The following SLIT2 variants were observed in gnomAD, a reference collection of about 807,000 sequenced individuals.
SLIT2 encodes slit homolog 2 protein.
SLIT2 carries 41 observed loss-of-function variants against 185.7 expected under a neutral mutation model. The observed-to-expected ratio is 0.22, with a 90% CI of 0.17 to 0.29. The LOEUF is 0.29. Ranked by LOEUF, SLIT2 falls within the 10% of genes least tolerant of loss-of-function variation. The pLI is 1.00. For missense variants in SLIT2, 1,571 were observed against 1,909.0 expected (o/e 0.82, Z 3.30); for synonymous variants, 693 against 680.2 (o/e 1.02, Z -0.29).
intron 4 of SLIT2, among the ~76,000 whole-genome samples, chr4:20,421,401 C>G (rs1453633341): frequency 1.3e-5 from 2 of 152,112 alleles, no homozygotes; most frequent in African/African-American, 4.8e-5. Context: ...AGAGCTGATT[C>G]ACGATGAGTT....
At chr4:20,504,588 G>T (rs1210986354) in intron 9 of SLIT2, among the ~76,000 whole-genome samples, 2 of 152,092 alleles carry the variant, frequency 1.3e-5, no homozygotes, top group Non-Finnish European at 2.9e-5. Context: ...GTGTGTATGT[G>T]TTTATTATAC....
At chr4:20,472,208 A>ATGTG (rs199908862) in intron 5 of SLIT2, among the ~76,000 whole-genome samples, 7 of 128,328 alleles carry the variant, frequency 5.5e-5, no homozygotes, top group African/African-American at 1.5e-4. Flanking sequence ...TGCTTTAGAA[A>ATGTG]TGTGTGTGTG....
chr4:20,370,317 T>A (rs1723468620), intron 4 of SLIT2, among the ~76,000 whole-genome samples: 1 of 152,092 alleles, frequency 6.6e-6, no homozygotes, highest in African/African-American at 2.4e-5. Context: ...TTCAATCGAT[T>A]ATCTTTTTCC....
chr4:20,552,642 C>T (rs1723873164), intron 25 of SLIT2: 1 of 152,116 alleles, frequency 6.6e-6, no homozygotes, highest in Non-Finnish European at 1.5e-5. Flanking sequence ...ATGCAGGTAA[C>T]ATTCACTACA....
chr4:20,569,554 G>T (rs1725390734), intron 29 of SLIT2, among the ~76,000 whole-genome samples: 1 of 151,998 alleles, frequency 6.6e-6, no homozygotes, highest in Non-Finnish European at 1.5e-5. Flanking sequence ...TCTCATTAGA[G>T]TATTAATTGC....
intron 28 of SLIT2, among the ~76,000 whole-genome samples, chr4:20,568,093 G>C (rs913515480): frequency 7.2e-5 from 11 of 152,050 alleles, no homozygotes; most frequent in Non-Finnish European, 2.9e-5. Flanking sequence ...TTTTAATCTG[G>C]AGTTATTTAA....
intron 4 of SLIT2, among the ~76,000 whole-genome samples, chr4:20,346,904 C>T (rs1196866646): frequency 6.6e-6 from 1 of 152,152 alleles, no homozygotes; most frequent in Non-Finnish European, 1.5e-5. Context: ...TTTATCCTAG[C>T]CAAGCTGGCC....
intron 30 of SLIT2, among the ~76,000 whole-genome samples, chr4:20,590,333 C>T (rs1006337079): frequency 4.6e-5 from 7 of 152,124 alleles, no homozygotes; most frequent in African/African-American, 1.7e-4. Flanking sequence ...TATTTGAAGG[C>T]CCAACCGGTG....
chr4:20,258,775 C>G (rs1380155057), intron 3 of SLIT2, among the ~76,000 whole-genome samples: 1 of 151,490 alleles, frequency 6.6e-6, no homozygotes, highest in Non-Finnish European at 1.5e-5. Context: ...ATTTTGAAGG[C>G]AAAGAAAAGC....
At chr4:20,464,061 C>G (rs1382231898) in intron 4 of SLIT2, among the ~76,000 whole-genome samples, 1 of 151,956 alleles carries the variant, frequency 6.6e-6, no homozygotes, top group African/African-American at 2.4e-5. Flanking sequence ...TCATGCATCC[C>G]TAATATCACT....
In SLIT2 at chr4:20,257,918, A is replaced by G. The variant is rs370323920; in HGVS notation, c.302A>G (p.Asp101Gly). The change falls in exon 3 of 37, where the codon GAT (aspartate) becomes GGT (glycine). Residue 101 changes from aspartate (D) to glycine (G), a missense_variant. This residue lies in a region of SLIT2 where 1,202 missense variants were observed against 1,416.4 expected (regional missense o/e 0.85). Transcript: ENST00000504154. ...ISTIERGAFQ[D>G]LKELERLRLN... ...ACCATTGAAAGAGGAGCATTCCAGG[A>G]TCTTAAAGAACTAGAGAGACTGTAA... 3.9e-6 allele frequency: 6 copies of G among 1,556,068 alleles called. No individual in the cohort carries two copies. In the African/African-American group the frequency reaches 8.2e-5, roughly 21 times the overall value.
chr4:20,568,745 T>A, intron 28 of SLIT2, 120 bp from the exon 29 acceptor site: 1 of 836,876 alleles, frequency 1.2e-6, no homozygotes, highest in Middle Eastern at 2.9e-4. Flanking sequence ...AAAAATCAAT[T>A]TCTGGTAGTT....
intron 4 of SLIT2, among the ~76,000 whole-genome samples, chr4:20,282,192 ACTCTAATTTAAAAAGAGAAAAGTGGT>A (rs1401243507): frequency 2.0e-5 from 3 of 152,178 alleles, no homozygotes; most frequent in South Asian, 2.1e-4. Context: ...TAGAAGCCAT[ACTCTAATTTAAAAAGAGAAAAGTGGT>A]CTCTAATTTA....
intron 33 of SLIT2, among the ~76,000 whole-genome samples, chr4:20,600,292 G>A (rs1728304360): frequency 6.6e-6 from 1 of 151,666 alleles, no homozygotes; most frequent in South Asian, 2.1e-4. Flanking sequence ...AGAAACCCAA[G>A]TGATTATATC....
Position 20,576,166 on chromosome 4 carries a change from C to A in SLIT2, c.3088+7162C>A, listed in dbSNP as rs187043924. On this transcript the variant is annotated intron_variant, in intron 29 of 36. Coordinates refer to ENST00000504154, the MANE Select transcript of SLIT2 (RefSeq NM_004787.4). The stretch of plus-strand genomic sequence containing the variant: ...ATTCCAGCCATCATCACTACAGTGA[C>A]ATGGTTCAGATATATTTGATGCCAT... Among the ~76,000 whole-genome samples, 174 of 152,254 alleles carry A rather than the reference C, an allele frequency of 1.1e-3. 2 individuals are homozygous for A. The highest frequency in any genetic ancestry group is 4.1e-3 in the African/African-American group (169 of 41,536).
intron 4 of SLIT2, among the ~76,000 whole-genome samples, chr4:20,354,904 TGTGAGAGAGAGAGAGA>T (rs1722198213): frequency 3.2e-5 from 2 of 63,292 alleles, no homozygotes; most frequent in South Asian, 6.5e-4. Flanking sequence ...TGTGTGTGTG[TGTGAGAGAGAGAGAGA>T]GAGAGAGAGA....
At chr4:20,285,140 A>C (rs1577368503) in intron 4 of SLIT2, among the ~76,000 whole-genome samples, 1 of 152,036 alleles carries the variant, frequency 6.6e-6, no homozygotes, top group Admixed American at 6.6e-5. Flanking sequence ...TATCTTAGCA[A>C]CTCCAGCCAT....
At chr4:20,329,529 G>A (rs1473602643) in intron 4 of SLIT2, among the ~76,000 whole-genome samples, 1 of 151,992 alleles carries the variant, frequency 6.6e-6, no homozygotes, top group Non-Finnish European at 1.5e-5. Flanking sequence ...AAAGAAGGTA[G>A]CATTTGTGTA....
chr4:20,453,637 A>G (rs903860744), intron 4 of SLIT2, among the ~76,000 whole-genome samples: 1 of 152,218 alleles, frequency 6.6e-6, no homozygotes, highest in African/African-American at 2.4e-5. Flanking sequence ...AGGTCATAAC[A>G]CTAATAAATG....
Sources: allele counts gnomAD v4.1 joint callset (sites outside exome capture counted in the v4.1 genomes callset), GRCh38; gene constraint gnomAD v4.1.1; regional missense constraint gnomAD v4.1.1; transcripts MANE v1.5; gene names NCBI Gene and HGNC (gene_info 2026-07-23, HGNC 2026-07-21).